Variants in PTPRT observed in about 807,000 individuals in gnomAD.
The protein encoded by PTPRT is protein tyrosine phosphatase receptor type T, also known as receptor-type tyrosine-protein phosphatase T.
PTPRT carries 56 observed loss-of-function variants against 176.8 expected under a neutral mutation model. The ratio of observed to expected loss-of-function variants is 0.32; its 90% CI spans 0.26 to 0.40. The LOEUF is 0.40. Ranked by LOEUF, PTPRT falls within the 10% of genes least tolerant of loss-of-function variation. The probability of loss-of-function intolerance (pLI) is 1.00; values close to 1 mark genes in which losing one functional copy is unlikely to be tolerated. For missense variants in PTPRT, 1,540 were observed against 1,908.2 expected (o/e 0.81, Z 3.60); for synonymous variants, 783 against 739.0 (o/e 1.06, Z -0.96).
At chr20:43,118,160 G>A (rs1264105487) in intron 1 of PTPRT, among the ~76,000 whole-genome samples, 1 of 152,158 alleles carries the variant, frequency 6.6e-6, no homozygotes, top group Non-Finnish European at 1.5e-5. Flanking sequence ...GTAAACAAAT[G>A]AGCAAGGCTC....
At chr20:42,055,972 G>C in the PTPRT span, among the ~76,000 whole-genome samples, 1 of 152,108 alleles carries the variant, frequency 6.6e-6, no homozygotes, top group Non-Finnish European at 1.5e-5. Flanking sequence ...GTAGGTTTGT[G>C]CACCACATGC....
chr20:42,145,750 CT>C (rs1053787895), intron 17 of PTPRT, among the ~76,000 whole-genome samples: 14 of 152,256 alleles, frequency 9.2e-5, no homozygotes, highest in African/African-American at 3.1e-4. Flanking sequence ...ACAACTTAGC[CT>C]TTCTTAGGTT....
intron 1 of PTPRT, among the ~76,000 whole-genome samples, chr20:43,103,853 T>C (rs974338589): frequency 6.6e-6 from 1 of 152,114 alleles, no homozygotes; most frequent in Non-Finnish European, 1.5e-5. Flanking sequence ...AATCCTGTTC[T>C]GGATTCATTT....
At chr20:42,851,926 T>C (rs1440950402) in intron 2 of PTPRT, among the ~76,000 whole-genome samples, 1 of 152,210 alleles carries the variant, frequency 6.6e-6, no homozygotes, top group Non-Finnish European at 1.5e-5. Flanking sequence ...AATTATATAA[T>C]CTATTATTTC....
chr20:43,166,345 C>G (rs985628062), intron 1 of PTPRT, among the ~76,000 whole-genome samples: 4 of 151,510 alleles, frequency 2.6e-5, no homozygotes, highest in Non-Finnish European at 5.9e-5. Flanking sequence ...AAAAAAAACC[C>G]TCTATGGATC....
chr20:42,191,635 G>C (rs560036488), intron 16 of PTPRT, among the ~76,000 whole-genome samples: 23 of 152,340 alleles, frequency 1.5e-4, no homozygotes, highest in African/African-American at 5.5e-4. Flanking sequence ...GGTAGCTGCA[G>C]TCAAATAGCT....
intron 2 of PTPRT, among the ~76,000 whole-genome samples, chr20:42,885,582 G>A (rs1249794681): frequency 1.3e-5 from 2 of 151,954 alleles, no homozygotes; most frequent in East Asian, 1.9e-4. Context: ...TTAGAATCTC[G>A]ACGCTAAAAG....
Position 42,264,534 on chromosome 20 carries a change from G to A in PTPRT, c.2177-15712C>T, listed in dbSNP as rs983636081. On this transcript the variant is annotated intron_variant, in intron 13 of 30. Coordinates refer to ENST00000373187, the MANE Select transcript of PTPRT (RefSeq NM_007050.6). Reference sequence around the variant, plus strand: ...CTCTGCAATGATCAGCCTGGCTCCTGGATGTCACCTGCCCTCGTGGCCTCC... The same window carrying A: ...CTCTGCAATGATCAGCCTGGCTCCTAGATGTCACCTGCCCTCGTGGCCTCC... Among the ~76,000 whole-genome samples, 62 of 152,170 alleles carry A rather than the reference G, an allele frequency of 4.1e-4. 1 individual carries two copies. Among genetic ancestry groups the A allele is most frequent in the Non-Finnish European group, 2.1e-4 (14 of 68,032 alleles).
intron 1 of PTPRT, among the ~76,000 whole-genome samples, chr20:43,083,341 T>TATATATATATATATACAC (rs2011503168): frequency 2.7e-4 from 11 of 40,666 alleles, no homozygotes; most frequent in Admixed American, 2.2e-3. Flanking sequence ...TATATATATA[T>TATATATATATATATACAC]ATATATATAT....
chr20:43,003,623 C>T (rs1315510225), intron 1 of PTPRT, among the ~76,000 whole-genome samples: 1 of 152,192 alleles, frequency 6.6e-6, no homozygotes, highest in Non-Finnish European at 1.5e-5. Flanking sequence ...ATCCCTTTTG[C>T]AATACAGATT....
At chr20:42,981,469 A>T (rs937318649) in intron 1 of PTPRT, among the ~76,000 whole-genome samples, 1 of 152,224 alleles carries the variant, frequency 6.6e-6, no homozygotes, top group African/African-American at 2.4e-5. Context: ...AGGCATCAAC[A>T]AACATGCTGC....
intron 2 of PTPRT, among the ~76,000 whole-genome samples, chr20:42,843,599 A>G (rs2078316894): frequency 6.6e-6 from 1 of 152,368 alleles, no homozygotes; most frequent in Middle Eastern, 3.4e-3. Flanking sequence ...TAGTAAGAAT[A>G]TGGCAGGTGT....
At chr20:43,083,501 C>G (rs1378718129) in intron 1 of PTPRT, among the ~76,000 whole-genome samples, 1 of 151,070 alleles carries the variant, frequency 6.6e-6, no homozygotes, top group African/African-American at 2.4e-5. Context: ...GCTGGGATTA[C>G]AGTCACGCAA....
At chr20:42,499,292 CTTT>C (rs56128037) in intron 7 of PTPRT, among the ~76,000 whole-genome samples, 1 of 140,996 alleles carries the variant, frequency 7.1e-6, no homozygotes. Context: ...TTTTGATAAA[CTTT>C]TTTTTTTTTT....
At chr20:42,494,156 T>C (rs2049475689) in intron 7 of PTPRT, among the ~76,000 whole-genome samples, 1 of 152,152 alleles carries the variant, frequency 6.6e-6, no homozygotes, top group Admixed American at 6.6e-5. Context: ...CTGCACTAAA[T>C]GGCTGTATAT....
intron 1 of PTPRT, among the ~76,000 whole-genome samples, chr20:42,908,634 CCTT>C (rs2079508698): frequency 6.6e-6 from 1 of 152,070 alleles, no homozygotes; most frequent in Non-Finnish European, 1.5e-5. Flanking sequence ...TTTAAAGTCT[CCTT>C]CAAGTTCACA....
At chr20:42,544,029 A>G (rs755462660) in intron 7 of PTPRT, among the ~76,000 whole-genome samples, 5 of 152,252 alleles carry the variant, frequency 3.3e-5, no homozygotes, top group Non-Finnish European at 7.4e-5. Flanking sequence ...CGTAGTGTTT[A>G]AGAGTCCCAG....
At chr20:42,985,371 T>C (rs1983512830) in intron 1 of PTPRT, among the ~76,000 whole-genome samples, 1 of 152,088 alleles carries the variant, frequency 6.6e-6, no homozygotes, top group Admixed American at 6.5e-5. Context: ...GGCTCGTGCC[T>C]GTAATCCCAG....
At chr20:42,290,306 C>G (rs1306270081) in intron 12 of PTPRT, among the ~76,000 whole-genome samples, 2 of 152,090 alleles carry the variant, frequency 1.3e-5, no homozygotes, top group Non-Finnish European at 2.9e-5. Context: ...CCACTTCCCA[C>G]TCCAGATTAA....
Sources: allele counts gnomAD v4.1 joint callset (sites outside exome capture counted in the v4.1 genomes callset), GRCh38; gene constraint gnomAD v4.1.1; transcripts MANE v1.5; gene names NCBI Gene and HGNC (gene_info 2026-07-23, HGNC 2026-07-21).